The following HACL1 variants were observed in gnomAD, a reference collection of about 807,000 sequenced individuals.
HACL1 encodes 2-hydroxyacyl-CoA lyase 1, also known as 1600020H07Rik.
In HACL1, 64 loss-of-function variants were observed where a neutral mutation model predicts 74.2. The ratio of observed to expected loss-of-function variants is 0.86; its 90% CI spans 0.70 to 1.06. The LOEUF is 1.06. Ranked by LOEUF, HACL1 falls within the 50% of genes least tolerant of loss-of-function variation. The pLI, the probability that HACL1 is intolerant of heterozygous loss-of-function variation, is 0.00. For synonymous variants in HACL1, 230 were observed against 238.8 expected (o/e 0.96, Z 0.34); for missense variants, 728 against 719.7 (o/e 1.01, Z -0.13).
intron 5 of HACL1, among the ~76,000 whole-genome samples, chr3:15,588,428 GC>G (rs1178003346): frequency 1.3e-5 from 2 of 151,872 alleles, no homozygotes; most frequent in Non-Finnish European, 2.9e-5. Flanking sequence ...CACTGTCTCT[GC>G]AAAAAGTACA....
At chr3:15,592,448 A>ATG (rs1491430053) in intron 3 of HACL1, among the ~76,000 whole-genome samples, 2 of 134,854 alleles carry the variant, frequency 1.5e-5, no homozygotes, top group East Asian at 2.1e-4. Flanking sequence ...ACACGTATAC[A>ATG]TACACACACG....
rs1313058741 is a variant in HACL1, at chr3:15,592,509, T to TACACACACGTATACATAC, written c.228-830_228-829insGTATGTATACGTGTGTGT. ...ACTTGTATACATATACACTTGTATATACACTTGTATACATATACACATGTA... is the reference window on the plus strand; with the variant it reads ...ACTTGTATACATATACACTTGTATATACACACACGTATACATACACACTTGTATACATATACACATGTA... On this transcript the variant is annotated intron_variant, in intron 3 of 16. Transcript: ENST00000321169. Among the ~76,000 whole-genome samples, 48 of 144,260 alleles carry TACACACACGTATACATAC rather than the reference T, an allele frequency of 3.3e-4. 2 individuals carry two copies. The highest frequency in any genetic ancestry group is 3.0e-3 in the Admixed American group (44 of 14,828). The allele number at this position is 144,260 out of a possible 152,430, so 94.6% of individuals were successfully genotyped here.
intron 9 of HACL1, among the ~76,000 whole-genome samples, chr3:15,575,660 G>A (rs2063612308): frequency 2.0e-5 from 3 of 151,962 alleles, no homozygotes; most frequent in African/African-American, 7.3e-5. Flanking sequence ...TCCTACCTCA[G>A]CCTCCTGAGC....
intron 14 of HACL1, among the ~76,000 whole-genome samples, chr3:15,567,333 C>G (rs1360584558): frequency 2.0e-5 from 3 of 151,786 alleles, no homozygotes; most frequent in Admixed American, 2.0e-4. Flanking sequence ...CTTCAGCCTC[C>G]CGAGTAGCTG....
intron 14 of HACL1, among the ~76,000 whole-genome samples, chr3:15,566,269 T>C (rs749901687): frequency 4.4e-4 from 67 of 152,194 alleles, no homozygotes; most frequent in Non-Finnish European, 8.5e-4. Context: ...CATCCTTCTA[T>C]AGTGAGGATC....
intron 4 of HACL1, among the ~76,000 whole-genome samples, chr3:15,590,576 G>C (rs1029123576): frequency 1.3e-5 from 2 of 152,152 alleles, no homozygotes; most frequent in Non-Finnish European, 2.9e-5. Context: ...CAAGATCAGA[G>C]AATAAGTACT....
chr3:15,598,760 T>A (rs1286298015), intron 2 of HACL1, among the ~76,000 whole-genome samples: 1 of 152,214 alleles, frequency 6.6e-6, no homozygotes, highest in East Asian at 1.9e-4. Context: ...GTTTTCATGT[T>A]CCCTCTGAAT....
intron 7 of HACL1, among the ~76,000 whole-genome samples, chr3:15,583,519 A>G (rs2125260789): frequency 2.0e-5 from 3 of 152,312 alleles, no homozygotes; most frequent in Middle Eastern, 6.8e-3. Flanking sequence ...CCACTGAGGA[A>G]AAAAAGACTC....
chr3:15,599,858 A>C (rs1559567304), intron 2 of HACL1, among the ~76,000 whole-genome samples: 1 of 152,208 alleles, frequency 6.6e-6, no homozygotes, highest in East Asian at 1.9e-4. Context: ...TAGTCAATAA[A>C]TGTTTGCTGT....
Position 15,593,687 on chromosome 3 carries a change from G to T in HACL1, c.228-2007C>A, listed in dbSNP as rs546549027. ...TGAGTTCATTTTTGTATGAAAAAAG[G>T]TTTTTTTTTCATTTCTTAACAAATA... On this transcript the variant is annotated intron_variant, in intron 3 of 16. Transcript: ENST00000321169. Among the ~76,000 whole-genome samples, 134 of 148,682 alleles carry T rather than the reference G, an allele frequency of 9.0e-4. 1 individual carries two copies. In the South Asian group the frequency reaches 0.027, roughly 30 times the overall value.
At chr3:15,582,779 C>A in intron 8 of HACL1, 98 bp downstream of exon 8, 1 of 604,176 alleles carries the variant, frequency 1.7e-6, no homozygotes, top group South Asian at 2.2e-5. Flanking sequence ...TTATTCCAAT[C>A]TCAAACATTA....
At chr3:15,583,548 A>G (rs1481227846) in intron 7 of HACL1, among the ~76,000 whole-genome samples, 4 of 152,238 alleles carry the variant, frequency 2.6e-5, no homozygotes, top group African/African-American at 9.6e-5. Context: ...TAACTTGTCC[A>G]AGATCTCCAG....
intron 3 of HACL1, among the ~76,000 whole-genome samples, chr3:15,592,075 T>TATAC (rs66540739): frequency 0.053 from 62 of 1,164 alleles, no homozygotes; most frequent in African/African-American, 0.059. Flanking sequence ...CGTATATACG[T>TATAC]ATACGTATAT....
In HACL1 at chr3:15,568,011, G is replaced by C; in HGVS notation, c.1251-9C>G. The C allele has an allele frequency of 1.2e-6, 2 of 1,613,812 alleles. No homozygotes were observed. ...AAGTACCAGCATCAAGCCTGTTGGA[G>C]AACAAAGTTAAAATGAAACCCTCTG... On this transcript the variant is annotated splice_polypyrimidine_tract_variant and intron_variant, in intron 13 of 16. Transcript: ENST00000321169.
chr3:15,581,712 A>G (rs1361713784), intron 8 of HACL1, among the ~76,000 whole-genome samples: 1 of 152,066 alleles, frequency 6.6e-6, no homozygotes, highest in African/African-American at 2.4e-5. Context: ...TTGAAAACCC[A>G]CCTCAACCTC....
chr3:15,601,013 G>C, intron 2 of HACL1, 77 bp downstream of exon 2: 1 of 838,120 alleles, frequency 1.2e-6, no homozygotes, highest in Non-Finnish European at 2.1e-6. Flanking sequence ...AGCGCTATCT[G>C]GGTGTTTGCA....
chr3:15,573,117 C>A, intron 11 of HACL1, 42 bp downstream of exon 11: 1 of 1,017,376 alleles, frequency 9.8e-7, no homozygotes, highest in South Asian at 1.3e-5. Context: ...ATTGACTATT[C>A]CCTAATAAGC....
rs753610199 is a variant in HACL1 at position 15,601,133 on chromosome 3, T to C, written c.143A>G (p.Gln48Arg). 4 of 1,613,732 alleles carry C rather than the reference T, an allele frequency of 2.5e-6. No individual in the cohort carries two copies. The Admixed American group carries it at 6.7e-5, about 27-fold the overall frequency. Residue 48 changes from glutamine to arginine, a missense_variant, in exon 2 of 17, where the codon CAG (glutamine) becomes CGG (arginine). Coordinates refer to ENST00000321169, the MANE Select transcript of HACL1 (RefSeq NM_012260.4). The stretch of plus-strand genomic sequence containing the variant: ...CCCGATGTACTTGATGCCTAGCTGC[T>C]GGGCAGCAATGGCGATTTCGGTCAC... ...IPVTEIAIAA[Q>R]QLGIKYIGMR... is the part of the protein sequence containing the mutation.
chr3:15,586,710 T>C (rs1480404982), intron 5 of HACL1, 108 bp from the exon 6 acceptor site: 5 of 682,580 alleles, frequency 7.3e-6, no homozygotes, highest in Non-Finnish European at 1.3e-5. Context: ...AGAGGCAAGA[T>C]GGAGAAAATA....
Sources: gnomAD v4.1 joint callset for allele counts (sites outside exome capture counted in the v4.1 genomes callset) on GRCh38, gnomAD v4.1.1 for gene constraint, MANE v1.5 for transcripts, NCBI Gene and HGNC (gene_info 2026-07-23, HGNC 2026-07-21) for gene names.